Variants in GINS1 observed in about 807,000 individuals in gnomAD.
The protein encoded by GINS1 is GINS complex subunit 1, also known as DNA replication complex GINS protein PSF1.
Under a neutral mutation model 34.9 loss-of-function variants are expected in GINS1, and 26 were observed. The ratio of observed to expected loss-of-function variants is 0.74; its 90% CI spans 0.55 to 1.03. The LOEUF is 1.03. Among genes scored for constraint, GINS1 ranks in the 50% least tolerant of loss-of-function variants. The pLI is 0.00. For synonymous variants in GINS1, 97 were observed against 84.4 expected, an observed-to-expected ratio of 1.15 and a Z score of -0.82; for missense variants, 235 against 237.9, an observed-to-expected ratio of 0.99 and a Z score of 0.08.
At chr20:25,409,916 G>A (rs2090272909) in intron 1 of GINS1, among the ~76,000 whole-genome samples, 1 of 152,208 alleles carries the variant, frequency 6.6e-6, no homozygotes, top group African/African-American at 2.4e-5. Flanking sequence ...AGAACAGAGA[G>A]ACTGTGCAAA....
At chr20:25,427,800 C>CT (rs934155263) in intron 5 of GINS1, among the ~76,000 whole-genome samples, 9 of 133,836 alleles carry the variant, frequency 6.7e-5, no homozygotes, top group East Asian at 2.2e-4. Flanking sequence ...CTTTTTTTTT[C>CT]TTTTTTTTCT....
chr20:25,413,811 C>T lies in GINS1; in HGVS notation c.97C>T (p.Leu33=). 1 of 1,585,826 alleles carries T rather than the reference C, an allele frequency of 6.3e-7. No individual in the cohort carries two copies. Among genetic ancestry groups the T allele is most frequent in the Non-Finnish European group, 8.7e-7 (1 of 1,154,228 alleles). The change falls in exon 2 of 7, where the codon CTG becomes TTG. Residue 33 remains leucine, a synonymous_variant. Transcript: ENST00000262460. ...CTAGGAGGATGGACTCAGACAAGTT[C>T]TGGAGGAGATGAAAGCTTTGTATGA... is the stretch of plus-strand genomic sequence containing the variant. ...AFNEDGLRQV[L]EEMKALYEQN... is the part of the protein sequence containing the mutation.
intron 4 of GINS1, among the ~76,000 whole-genome samples, chr20:25,420,643 G>A (rs1203012463): frequency 1.3e-5 from 2 of 151,872 alleles, no homozygotes; most frequent in Non-Finnish European, 2.9e-5. Flanking sequence ...AGCTGGGTGT[G>A]GTGGTGTGCA....
Position 25,446,247 on chromosome 20 carries a change from C to G in GINS1, c.*256C>G. The G allele has an allele frequency of 3.0e-6, 1 of 328,236 alleles. No individual in the cohort carries two copies. Among genetic ancestry groups the G allele is most frequent in the Non-Finnish European group, 5.5e-6 (1 of 180,504 alleles). The allele number at this position is 328,236 out of a possible 1,614,324, so 20.3% of individuals were successfully genotyped here. A position where few individuals can be genotyped will look rare whatever the true frequency, so the allele number is the denominator to read the frequency against. On this transcript the variant is annotated 3_prime_UTR_variant, in exon 7 of 7. Transcript: ENST00000262460. The stretch of plus-strand genomic sequence containing the variant: ...AGACTGTCTCACTATGTTGCCCAAG[C>G]TGGTCTCAAACTCCTGGCCTCAAGC...
intron 6 of GINS1, among the ~76,000 whole-genome samples, chr20:25,443,696 G>C (rs1008434776): frequency 6.6e-5 from 10 of 151,852 alleles, no homozygotes; most frequent in African/African-American, 2.2e-4. Flanking sequence ...TGGCCAGGCT[G>C]GTTTCAAATT....
At chr20:25,428,425 A>T in intron 5 of GINS1, among the ~76,000 whole-genome samples, 2 of 83,220 alleles carry the variant, frequency 2.4e-5, no homozygotes, top group Admixed American at 1.8e-4. Context: ...TTTTTTTGAG[A>T]CAGAGTCTCT....
chr20:25,415,173 G>GAT (rs1305198321), intron 2 of GINS1, among the ~76,000 whole-genome samples: 1 of 152,190 alleles, frequency 6.6e-6, no homozygotes, highest in African/African-American at 2.4e-5. Flanking sequence ...CACATAAAAT[G>GAT]ATAGGAGCAT....
At chr20:25,426,322 G>A (rs891786479) in intron 5 of GINS1, among the ~76,000 whole-genome samples, 6 of 151,914 alleles carry the variant, frequency 3.9e-5, no homozygotes, top group African/African-American at 1.4e-4. Context: ...CTAGCGCTTT[G>A]GGAGGCTGAG....
intron 2 of GINS1, among the ~76,000 whole-genome samples, chr20:25,415,427 C>T (rs559612507): frequency 6.6e-6 from 1 of 152,312 alleles, no homozygotes; most frequent in Non-Finnish European, 1.5e-5. Context: ...GTGGCCCATG[C>T]CTGTAGTCCC....
At chr20:25,422,305 G>T (rs1049995519) in intron 4 of GINS1, among the ~76,000 whole-genome samples, 3 of 151,990 alleles carry the variant, frequency 2.0e-5, no homozygotes, top group Admixed American at 6.6e-5. Flanking sequence ...TGGATGCAGT[G>T]GCTCACACCC....
chr20:25,414,664 C>T (rs1013581719), intron 2 of GINS1, among the ~76,000 whole-genome samples: 1 of 152,144 alleles, frequency 6.6e-6, no homozygotes, highest in Non-Finnish European at 1.5e-5. Flanking sequence ...CACGTTACTG[C>T]ACCCTAGCCT....
At chr20:25,444,523 G>T (rs922434236) in intron 6 of GINS1, among the ~76,000 whole-genome samples, 1 of 152,090 alleles carries the variant, frequency 6.6e-6, no homozygotes, top group Non-Finnish European at 1.5e-5. Flanking sequence ...ATTTGGTCAT[G>T]GGTCTCTTGC....
intron 3 of GINS1, among the ~76,000 whole-genome samples, chr20:25,417,500 G>A (rs561675151): frequency 1.3e-5 from 2 of 152,118 alleles, no homozygotes; most frequent in Non-Finnish European, 2.9e-5. Flanking sequence ...CTATTTAAGT[G>A]CATCACGGTC....
chr20:25,444,027 T>C (rs537620628), intron 6 of GINS1, among the ~76,000 whole-genome samples: 1 of 152,132 alleles, frequency 6.6e-6, no homozygotes, highest in African/African-American at 2.4e-5. Flanking sequence ...TATGGTTTTT[T>C]TCGAGATGGA....
At chr20:25,419,337 C>A (rs1317514731) in intron 4 of GINS1, among the ~76,000 whole-genome samples, 4 of 117,748 alleles carry the variant, frequency 3.4e-5, no homozygotes, top group Non-Finnish European at 7.3e-5. Flanking sequence ...TATCCCAGAA[C>A]TTAAAGAAAA....
chr20:25,411,573 C>T (rs1050029201), intron 1 of GINS1, among the ~76,000 whole-genome samples: 1 of 151,764 alleles, frequency 6.6e-6, no homozygotes, highest in East Asian at 1.9e-4. Flanking sequence ...CCATGGCAGG[C>T]GGATCACTTG....
At chr20:25,412,072 C>T (rs2090289255) in intron 1 of GINS1, among the ~76,000 whole-genome samples, 1 of 151,978 alleles carries the variant, frequency 6.6e-6, no homozygotes. Flanking sequence ...CGCACTACTG[C>T]ACTCCAACCT....
At position 25,425,497 on chromosome 20, in the gene GINS1, A is replaced by G. The variant is rs527597293; in HGVS notation, c.447+170A>G. On this transcript the variant is annotated intron_variant, in intron 5 of 6. Coordinates refer to ENST00000262460, the MANE Select transcript of GINS1 (RefSeq NM_021067.5). The stretch of plus-strand genomic sequence containing the variant: ...GATGACAGAATACGATGGAACAGCT[A>G]TAATTTTCTGAATATACCTGTTTTA... 7.2e-5 allele frequency among the ~76,000 whole-genome samples: 11 copies of G among 152,344 alleles called. No individual in the cohort carries two copies. The East Asian group carries it at 1.5e-3, about 21-fold the overall frequency.
chr20:25,410,104 G>A (rs1483622572), intron 1 of GINS1, among the ~76,000 whole-genome samples: 1 of 152,178 alleles, frequency 6.6e-6, no homozygotes, highest in Non-Finnish European at 1.5e-5. Flanking sequence ...CACTTTGGGA[G>A]GCTGAGGCGG....
Sources: gnomAD v4.1 joint callset for allele counts (sites outside exome capture counted in the v4.1 genomes callset) on GRCh38, gnomAD v4.1.1 for gene constraint, MANE v1.5 for transcripts, NCBI Gene and HGNC (gene_info 2026-07-23, HGNC 2026-07-21) for gene names.